The following AQP9 variants were observed in gnomAD, a reference collection of about 807,000 sequenced individuals.
AQP9 encodes aquaporin 9.
A neutral mutation model predicts 23.8 loss-of-function variants in AQP9; 19 were observed. The ratio of observed to expected loss-of-function variants is 0.80; its 90% CI spans 0.56 to 1.17. AQP9 has a LOEUF of 1.17. Among genes scored for constraint, AQP9 ranks in the 50% most tolerant of loss-of-function variants. The pLI, the probability that AQP9 is intolerant of heterozygous loss-of-function variation, is 0.00. For synonymous variants in AQP9, 153 were observed against 131.5 expected, an observed-to-expected ratio of 1.16 and a Z score of -1.12; for missense variants, 413 against 362.0, an observed-to-expected ratio of 1.14 and a Z score of -1.14.
chr15:58,162,566 C>A (rs1898406014), intron 1 of AQP9, among the ~76,000 whole-genome samples: 1 of 152,164 alleles, frequency 6.6e-6, no homozygotes, highest in Non-Finnish European at 1.5e-5. Context: ...AGGGAGAATG[C>A]CTGTATCACA....
Position 58,184,339 on chromosome 15 carries a change from C to G in AQP9, c.*204C>G, listed in dbSNP as rs1350467273. 9 of 540,288 alleles carry G rather than the reference C, an allele frequency of 1.7e-5. No homozygotes were observed. Among genetic ancestry groups the G allele is most frequent in the African/African-American group, 1.5e-4 (8 of 52,130 alleles). The allele number at this position is 540,288 out of a possible 1,614,324, so 33.5% of individuals were successfully genotyped here. A position where few individuals can be genotyped will look rare whatever the true frequency, so the allele number is the denominator to read the frequency against. On this transcript the variant is annotated 3_prime_UTR_variant, in exon 6 of 6. Transcript: ENST00000219919. ...TACCATTGTCCCCCACCCCCACCCCCCAGAATAACGCTGACTGTCCCCTGA... is the reference window on the plus strand; with the variant it reads ...TACCATTGTCCCCCACCCCCACCCCGCAGAATAACGCTGACTGTCCCCTGA...
At chr15:58,143,685 C>T (rs191876972) in intron 1 of AQP9, among the ~76,000 whole-genome samples, 58 of 152,312 alleles carry the variant, frequency 3.8e-4, no homozygotes, top group African/African-American at 1.3e-3. Context: ...CAATTTGAGA[C>T]TTTTTCCCAG....
chr15:58,143,451 A>G (rs1295684945), intron 1 of AQP9, among the ~76,000 whole-genome samples: 1 of 152,196 alleles, frequency 6.6e-6, no homozygotes, highest in African/African-American at 2.4e-5. Context: ...CATTTTATAG[A>G]TGAGGAAATT....
intron 1 of AQP9, among the ~76,000 whole-genome samples, chr15:58,157,573 C>T (rs1455351904): frequency 2.0e-5 from 3 of 152,154 alleles, no homozygotes; most frequent in Non-Finnish European, 2.9e-5. Context: ...GAAAAGGCCC[C>T]TTCTAGGCCC....
At chr15:58,165,537 A>G (rs1898480280) in intron 1 of AQP9, among the ~76,000 whole-genome samples, 2 of 152,208 alleles carry the variant, frequency 1.3e-5, no homozygotes, top group African/African-American at 4.8e-5. Context: ...AAAGAAATGC[A>G]TGTAATGTAT....
chr15:58,156,650 C>A (rs547556620), intron 1 of AQP9, among the ~76,000 whole-genome samples: 178 of 152,300 alleles, frequency 1.2e-3, no homozygotes, highest in African/African-American at 3.9e-3. Context: ...ATAGCATTTT[C>A]ACTTAACACC....
chr15:58,153,482 G>C (rs1359397563), intron 1 of AQP9: 1 of 151,648 alleles, frequency 6.6e-6, no homozygotes, highest in Non-Finnish European at 1.5e-5. Flanking sequence ...AACACAAAAT[G>C]ACATCAAAAA....
intron 1 of AQP9, chr15:58,153,788 A>T (rs1183931622): frequency 6.6e-6 from 1 of 152,100 alleles, no homozygotes; most frequent in Non-Finnish European, 1.5e-5. Context: ...CTGCAAACAC[A>T]TCATACACCA....
intron 1 of AQP9, among the ~76,000 whole-genome samples, chr15:58,162,402 C>G (rs1458027509): frequency 6.6e-6 from 1 of 152,182 alleles, no homozygotes; most frequent in Non-Finnish European, 1.5e-5. Flanking sequence ...ACAGAAATTA[C>G]AGGAAGGAAG....
chr15:58,179,219 T>G lies in AQP9; in HGVS notation c.587T>G (p.Ile196Ser), dbSNP rs201263790. The G allele has an allele frequency of 6.8e-6, 11 of 1,614,142 alleles. No homozygotes were observed. In the East Asian group the frequency reaches 2.5e-4, roughly 36 times the overall value. The change falls in exon 5 of 6, where the codon ATC becomes AGC. Residue 196 changes from isoleucine (I) to serine (S), a missense_variant. Physicochemically the swap from Ile to Ser is moderately radical, Grantham distance 142. Transcript: ENST00000219919. Reference protein sequence around the residue: ...GAPRGLEPIAIGLLIIVIASS... With the variant: ...GAPRGLEPIASGLLIIVIASS... ...CCCAGAGGCCTAGAGCCCATTGCCA[T>G]CGGCCTCCTGATTATTGTCATTGCT...
chr15:58,148,901 C>T lies in AQP9; in HGVS notation c.111+10225C>T, dbSNP rs548656884. ...TGGCTCTCAAATTGCAGATTCCTCTCTTTTTATGAGCCTGCCCTAATATCG... is the reference window on the plus strand; with the variant it reads ...TGGCTCTCAAATTGCAGATTCCTCTTTTTTTATGAGCCTGCCCTAATATCG... On this transcript the variant is annotated intron_variant, in intron 1 of 5. Coordinates refer to ENST00000219919, the MANE Select transcript of AQP9 (RefSeq NM_020980.5). 5.3e-5 allele frequency among the ~76,000 whole-genome samples: 8 copies of T among 152,256 alleles called. No homozygotes were observed. In the East Asian group the frequency reaches 1.5e-3, roughly 29 times the overall value.
At chr15:58,151,713 A>G (rs1898153086) in intron 1 of AQP9, 1 of 152,088 alleles carries the variant, frequency 6.6e-6, no homozygotes, top group African/African-American at 2.4e-5. Flanking sequence ...TCCTGATCTA[A>G]TAATCTTATA....
At chr15:58,162,468 C>A (rs947169703) in intron 1 of AQP9, among the ~76,000 whole-genome samples, 1 of 152,164 alleles carries the variant, frequency 6.6e-6, no homozygotes, top group Non-Finnish European at 1.5e-5. Context: ...GAAAAGTATA[C>A]AGAACAAGCT....
At chr15:58,148,937 A>T (rs1359028362) in intron 1 of AQP9, among the ~76,000 whole-genome samples, 1 of 152,150 alleles carries the variant, frequency 6.6e-6, no homozygotes, top group Non-Finnish European at 1.5e-5. Flanking sequence ...CCTCTTTTCA[A>T]GTACAGCTGG....
chr15:58,162,120 G>A (rs1345735440), intron 1 of AQP9, among the ~76,000 whole-genome samples: 1 of 152,170 alleles, frequency 6.6e-6, no homozygotes, highest in Non-Finnish European at 1.5e-5. Context: ...GAAGGTACAG[G>A]GTTAATTACC....
chr15:58,171,834 G>GATC (rs34291701), intron 2 of AQP9, among the ~76,000 whole-genome samples: 37,469 of 149,838 alleles, frequency 0.25, 5,577 homozygotes, highest in Admixed American at 0.39. Context: ...TTCTGTGCAG[G>GATC]ATCATCATCA....
Position 58,138,679 on chromosome 15 carries a change from A to C in AQP9, c.111+3A>C. On this transcript the variant is annotated splice_donor_region_variant and intron_variant, in intron 1 of 5. Coordinates refer to ENST00000219919, the MANE Select transcript of AQP9 (RefSeq NM_020980.5). ...TCTTGGGCACGTTCATCTTGATTGT[A>C]AGTATTTCCTGATTTCCTACATTCA... is the stretch of plus-strand genomic sequence containing the variant. 6.2e-7 allele frequency: 1 copy of C among 1,612,902 alleles called. No individual in the cohort carries two copies. Among genetic ancestry groups the C allele is most frequent in the Non-Finnish European group, 8.5e-7 (1 of 1,179,034 alleles).
chr15:58,161,419 T>C (rs73426165), intron 1 of AQP9, among the ~76,000 whole-genome samples: 3,708 of 152,286 alleles, frequency 0.024, 157 homozygotes, highest in African/African-American at 0.084. Flanking sequence ...CTTTCTATTT[T>C]CTAGCATTGC....
intron 1 of AQP9, among the ~76,000 whole-genome samples, chr15:58,161,896 T>C (rs201265361): frequency 2.6e-5 from 4 of 152,178 alleles, no homozygotes; most frequent in East Asian, 3.9e-4. Context: ...TTCATTTACA[T>C]TGCCAACAAG....
Sources: allele counts gnomAD v4.1 joint callset (sites outside exome capture counted in the v4.1 genomes callset), GRCh38; gene constraint gnomAD v4.1.1; transcripts MANE v1.5; gene names NCBI Gene and HGNC (gene_info 2026-07-23, HGNC 2026-07-21).